The following ARHGAP22 variants were observed in gnomAD, a reference collection of about 807,000 sequenced individuals.
The protein encoded by ARHGAP22 is Rho GTPase activating protein 22.
ARHGAP22 carries 48 observed loss-of-function variants against 59.1 expected under a neutral mutation model. The observed-to-expected ratio is 0.81, with a 90% CI of 0.64 to 1.03. The LOEUF (loss-of-function observed/expected upper bound fraction) is 1.03. Ranked by LOEUF, ARHGAP22 falls within the 50% of genes least tolerant of loss-of-function variation. The probability of loss-of-function intolerance (pLI) is 0.00; values close to 1 mark genes in which losing one functional copy is unlikely to be tolerated. For synonymous variants in ARHGAP22, 445 were observed against 416.4 expected, an observed-to-expected ratio of 1.07 and a Z score of -0.84; for missense variants, 1,015 against 958.7, an observed-to-expected ratio of 1.06 and a Z score of -0.78.
chr10:48,480,420 T>C (rs1488879278), intron 3 of ARHGAP22, among the ~76,000 whole-genome samples: 1 of 152,220 alleles, frequency 6.6e-6, no homozygotes, highest in African/African-American at 2.4e-5. Context: ...AATTGATCTT[T>C]GGGAAATACA....
At chr10:48,445,426 G>A (rs996484433), downstream of ARHGAP22, 1 of 152,602 alleles carries the variant, frequency 6.6e-6, no homozygotes, top group Non-Finnish European at 1.5e-5. Flanking sequence ...CTGAAGCACA[G>A]TCCAGGAGCT....
intron 3 of ARHGAP22, chr10:48,524,021 G>C: frequency 1.4e-6 from 2 of 1,461,474 alleles, no homozygotes; most frequent in Non-Finnish European, 1.8e-6. Flanking sequence ...GGCGGCCGCA[G>C]GGAGCGGGGC....
intron 3 of ARHGAP22, among the ~76,000 whole-genome samples, chr10:48,549,831 A>C (rs1564861154): frequency 6.6e-6 from 1 of 152,082 alleles, no homozygotes; most frequent in Non-Finnish European, 1.5e-5. Flanking sequence ...TCTCTACACC[A>C]GGGGCAGCCT....
intron 3 of ARHGAP22, among the ~76,000 whole-genome samples, chr10:48,503,073 G>A (rs1376191230): frequency 6.6e-6 from 1 of 152,248 alleles, no homozygotes; most frequent in East Asian, 1.9e-4. Context: ...GAGAAGCCAG[G>A]ACTTGGCCAG....
At chr10:48,550,682 A>G (rs1026015010) in intron 3 of ARHGAP22, among the ~76,000 whole-genome samples, 2 of 152,184 alleles carry the variant, frequency 1.3e-5, no homozygotes, top group Non-Finnish European at 2.9e-5. Context: ...TTCATTTTTG[A>G]CTTTATATGA....
chr10:48,556,708 A>T (rs1297792779), intron 2 of ARHGAP22: 1 of 152,206 alleles, frequency 6.6e-6, no homozygotes, highest in Non-Finnish European at 1.5e-5. Context: ...AGTTCTTAGT[A>T]CTTAGTACTG....
At chr10:48,499,720 A>C (rs528045650) in intron 3 of ARHGAP22, among the ~76,000 whole-genome samples, 18 of 152,366 alleles carry the variant, frequency 1.2e-4, no homozygotes, top group African/African-American at 4.3e-4. Context: ...GGAAGTTCTA[A>C]GTCAATGAAC....
chr10:48,493,767 T>A, intron 3 of ARHGAP22: 1 of 809,116 alleles, frequency 1.2e-6, no homozygotes, highest in East Asian at 3.2e-5. Flanking sequence ...TTGTTCTGCA[T>A]CCGCATCTGT....
At chr10:48,439,334 GAAA>G in the ARHGAP22 span, 1 of 149,900 alleles carries the variant, frequency 6.7e-6, no homozygotes, top group Non-Finnish European at 1.5e-5. Context: ...AAATAAAAAA[GAAA>G]AAAGTGGTAT....
rs1588842897 is a variant in ARHGAP22 at position 48,569,988 on chromosome 10, A to T, written c.234+12965T>A. 2.0e-5 allele frequency among the ~76,000 whole-genome samples: 3 copies of T among 152,360 alleles called. No individual in the cohort carries two copies. In the South Asian group the frequency reaches 6.2e-4, roughly 32 times the overall value. ...TGCTCTCAGAACCCTGCAGGATGGT[A>T]TAAAACAAACCTTAAAATGTATTTT... is the stretch of plus-strand genomic sequence containing the variant. On this transcript the variant is annotated intron_variant, in intron 2 of 9. Coordinates refer to ENST00000249601, the MANE Select transcript of ARHGAP22 (RefSeq NM_021226.4).
intron 2 of ARHGAP22, among the ~76,000 whole-genome samples, chr10:48,568,967 T>C (rs545793715): frequency 2.0e-5 from 3 of 152,368 alleles, no homozygotes; most frequent in African/African-American, 7.2e-5. Flanking sequence ...TGTCTTGTCC[T>C]GAGCCTAAGA....
At chr10:48,451,492 G>T in intron 8 of ARHGAP22, 1 of 702,506 alleles carries the variant, frequency 1.4e-6, no homozygotes, top group South Asian at 1.5e-5. Flanking sequence ...GACCTGAGAT[G>T]CCAGAACTCT....
chr10:48,539,289 A>T (rs2055675280), intron 3 of ARHGAP22, among the ~76,000 whole-genome samples: 3 of 79,506 alleles, frequency 3.8e-5, no homozygotes, highest in Admixed American at 1.0e-4. Flanking sequence ...GAGAAGGGTA[A>T]CATTTTTTTT....
At position 48,540,815 on chromosome 10, in the gene ARHGAP22, C is replaced by T. The variant is rs376576934; in HGVS notation, c.322+14648G>A. Among the ~76,000 whole-genome samples the T allele has an allele frequency of 5.9e-5, 9 of 152,102 alleles. No homozygotes were observed. The South Asian group carries it at 6.2e-4, about 11-fold the overall frequency. ...GCTCCTTCATTGGTTTAATTTATCA[C>T]GCACTTTTAAAGAACCAGGCACCTT... On this transcript the variant is annotated intron_variant, in intron 3 of 9. Coordinates refer to ENST00000249601, the MANE Select transcript of ARHGAP22 (RefSeq NM_021226.4).
intron 6 of ARHGAP22, among the ~76,000 whole-genome samples, chr10:48,454,704 C>T (rs2046319162): frequency 6.6e-6 from 1 of 152,174 alleles, no homozygotes; most frequent in South Asian, 2.1e-4. Context: ...TGAGCACCTA[C>T]TGGTGTGACA....
chr10:48,585,852 T>C (rs1335002866), intron 1 of ARHGAP22, among the ~76,000 whole-genome samples: 1 of 152,156 alleles, frequency 6.6e-6, no homozygotes, highest in Non-Finnish European at 1.5e-5. Flanking sequence ...TGAAGCTGGA[T>C]TGGTGATTCC....
intron 3 of ARHGAP22, among the ~76,000 whole-genome samples, chr10:48,482,466 C>T (rs1003942344): frequency 6.6e-6 from 1 of 152,212 alleles, no homozygotes; most frequent in African/African-American, 2.4e-5. Context: ...TCTAATGACA[C>T]TGACCAGAGC....
intron 4 of ARHGAP22, among the ~76,000 whole-genome samples, chr10:48,465,920 T>G (rs2133882393): frequency 6.6e-6 from 1 of 152,256 alleles, no homozygotes; most frequent in African/African-American, 2.4e-5. Flanking sequence ...AGGGACTCAC[T>G]GGCCGGCCAA....
At chr10:48,601,137 C>T (rs1288834366) in intron 1 of ARHGAP22, among the ~76,000 whole-genome samples, 1 of 152,192 alleles carries the variant, frequency 6.6e-6, no homozygotes, top group Non-Finnish European at 1.5e-5. Flanking sequence ...TCATAGGGAG[C>T]CATCATGGTA....
Sources: gnomAD v4.1 joint callset for allele counts (sites outside exome capture counted in the v4.1 genomes callset) on GRCh38, gnomAD v4.1.1 for gene constraint, MANE v1.5 for transcripts, NCBI Gene and HGNC (gene_info 2026-07-23, HGNC 2026-07-21) for gene names.